COL8A2: variants seen among roughly 807,000 people sequenced by gnomAD.
COL8A2 encodes collagen alpha-2(VIII) chain.
In COL8A2, 16 loss-of-function variants were observed where a neutral mutation model predicts 24.0. The observed-to-expected ratio is 0.67, with a 90% CI of 0.45 to 1.01. The LOEUF (loss-of-function observed/expected upper bound fraction) is 1.01. Ranked by LOEUF, COL8A2 falls within the 50% of genes least tolerant of loss-of-function variation. The pLI is 0.00. For synonymous variants in COL8A2, 466 were observed against 424.5 expected (o/e 1.10, Z -1.20); for missense variants, 818 against 942.4 (o/e 0.87, Z 1.73).
intron 2 of COL8A2, among the ~76,000 whole-genome samples, chr1:36,100,709 GTTA>G (rs1290576897): frequency 6.6e-6 from 1 of 152,040 alleles, no homozygotes; most frequent in African/African-American, 2.4e-5. Flanking sequence ...ACTTTAACAA[GTTA>G]TTATTATTGT....
Position 36,099,169 on chromosome 1 carries a change from ATAGTAATG to A in COL8A2, c.504_511del (p.Ile169ProfsTer30). On this transcript the variant is annotated frameshift_variant, in exon 4 of 4. Transcript: ENST00000397799. LOFTEE classifies it low-confidence loss of function (END_TRUNC). Reference sequence around the variant, plus strand: ...CCCTTGGGCACCTGGTTTTCCAGGGATAGTAATGCCTGAGGGGCCCGGGAGGCCAGGGG... The same window carrying A: ...CCCTTGGGCACCTGGTTTTCCAGGGACCTGAGGGGCCCGGGAGGCCAGGGG... 1 of 1,498,476 alleles carries A rather than the reference ATAGTAATG, an allele frequency of 6.7e-7. No homozygotes were observed. The highest frequency in any genetic ancestry group is 8.9e-7 in the Non-Finnish European group (1 of 1,123,318). The allele number at this position is 1,498,476 out of a possible 1,614,324, so 92.8% of individuals were successfully genotyped here.
At chr1:36,100,321 G>A in intron 2 of COL8A2, 63 bp from the exon 3 acceptor site, 3 of 1,375,620 alleles carry the variant, frequency 2.2e-6, no homozygotes, top group Non-Finnish European at 2.0e-6. Flanking sequence ...TAGGCCCGGG[G>A]TCACCAAAAG....
chr1:36,121,388 CAAAAAAAAAAA>C (rs57902365), intron 1 of COL8A2, among the ~76,000 whole-genome samples: 4 of 47,636 alleles, frequency 8.4e-5, no homozygotes, highest in Admixed American at 2.5e-4. Context: ...GACTCTGTCT[CAAAAAAAAAAA>C]AAAAAAAAAA....
In COL8A2 at chr1:36,124,688, C is replaced by T. The variant is rs564849535; in HGVS notation, c.-62+369G>A. Among the ~76,000 whole-genome samples, 6 of 152,296 alleles carry T rather than the reference C, an allele frequency of 3.9e-5. No individual in the cohort carries two copies. In the East Asian group the frequency reaches 1.2e-3, roughly 29 times the overall value. ...TCACTCCCTCCTCTCTCCTCCACTACCCTGTGAAGGCGGCTTTTTTATCCC... is the reference window on the plus strand; with the variant it reads ...TCACTCCCTCCTCTCTCCTCCACTATCCTGTGAAGGCGGCTTTTTTATCCC... On this transcript the variant is annotated intron_variant, in intron 1 of 3. Coordinates refer to ENST00000397799, the MANE Select transcript of COL8A2 (RefSeq NM_005202.4).
intron 2 of COL8A2, among the ~76,000 whole-genome samples, chr1:36,105,965 AAAGAG>A (rs1335327529): frequency 1.3e-3 from 188 of 142,350 alleles, no homozygotes; most frequent in Middle Eastern, 7.0e-3. Flanking sequence ...AAAAAAAAAA[AAAGAG>A]AGAGAGAGAG....
chr1:36,109,945 T>G (rs1466264601), intron 2 of COL8A2, among the ~76,000 whole-genome samples: 2 of 147,972 alleles, frequency 1.4e-5, no homozygotes, highest in South Asian at 4.3e-4. Context: ...TTTTTTTTTT[T>G]TTGAGACGGA....
chr1:36,123,090 G>T lies in COL8A2; in HGVS notation c.-62+1967C>A, dbSNP rs1310771478. 6.6e-6 allele frequency among the ~76,000 whole-genome samples: 1 copy of T among 152,198 alleles called. No individual in the cohort carries two copies. The highest frequency in any genetic ancestry group is 1.5e-5 in the Non-Finnish European group (1 of 68,040). On this transcript the variant is annotated intron_variant, in intron 1 of 3. Transcript: ENST00000397799. This position sits in a 1 kb window ranked among gnomAD's most constrained non-coding sequence, Gnocchi z 4.1. ...CCTTCCCTGATCTGCACTTTGGCTT[G>T]CATGGTGCCCCTCCTCGGGTACCTA...
At position 36,097,999 on chromosome 1, in the gene COL8A2, T is replaced by A. The variant is rs1430060361; in HGVS notation, c.1682A>T (p.Lys561Met). The A allele has an allele frequency of 6.3e-7, 1 of 1,598,682 alleles. No individual in the cohort carries two copies. The highest frequency in any genetic ancestry group is 8.5e-7 in the Non-Finnish European group (1 of 1,176,574). The change falls in exon 4 of 4, where the codon AAG becomes ATG. Residue 561 changes from lysine (K) to methionine (M), a missense_variant. By Grantham distance (95) the Lys-to-Met change is moderately conservative (BLOSUM62 -1). Around this residue, in one of 3 missense-constraint regions of COL8A2, gnomAD observed 235 missense variants for 297.3 expected, o/e 0.79. Coordinates refer to ENST00000397799, the MANE Select transcript of COL8A2 (RefSeq NM_005202.4). ...CAGCTCGCCCAGCCCAAACTGTGGC[T>A]TGCCCCCCTTGCCCAGCACGGCACC... ...VEGAVLGKGG[K>M]PQFGLGELSA...
At chr1:36,119,869 T>A (rs375214366) in intron 1 of COL8A2, among the ~76,000 whole-genome samples, 1 of 152,162 alleles carries the variant, frequency 6.6e-6, no homozygotes, top group Non-Finnish European at 1.5e-5. Context: ...AGAGGCAGGC[T>A]GGCACTGCTG....
At chr1:36,102,651 A>C (rs1177383167) in intron 2 of COL8A2, among the ~76,000 whole-genome samples, 2 of 141,576 alleles carry the variant, frequency 1.4e-5, no homozygotes, top group Non-Finnish European at 3.0e-5. Context: ...TGTGAATTAT[A>C]TCTATAAAGC....
chr1:36,117,009 G>A (rs1643882742), intron 1 of COL8A2, among the ~76,000 whole-genome samples: 2 of 152,214 alleles, frequency 1.3e-5, no homozygotes, highest in African/African-American at 4.8e-5. Flanking sequence ...ACATGACTCC[G>A]GGGTAGATGG....
In COL8A2 at chr1:36,115,446, G is replaced by A. The variant is rs1643874852; in HGVS notation, c.-17+262C>T. The stretch of plus-strand genomic sequence containing the variant: ...AGCACAGCCAGGCCACTGCACCCAG[G>A]CTGGGCCAAGCAAACACGGCCCCGC... On this transcript the variant is annotated intron_variant, in intron 2 of 3. Transcript: ENST00000397799. This position sits in a 1 kb window ranked among gnomAD's most constrained non-coding sequence, Gnocchi z 5.7. 1.3e-5 allele frequency among the ~76,000 whole-genome samples: 2 copies of A among 152,148 alleles called. No individual in the cohort carries two copies. Among genetic ancestry groups the A allele is most frequent in the Admixed American group, 1.3e-4 (2 of 15,280 alleles).
rs1557746988 is a variant in COL8A2 at position 36,115,776 on chromosome 1, T to G, written c.-61-24A>C. On this transcript the variant is annotated intron_variant, in intron 1 of 3. Coordinates refer to ENST00000397799, the MANE Select transcript of COL8A2 (RefSeq NM_005202.4). This position sits in a 1 kb window ranked among gnomAD's most constrained non-coding sequence, Gnocchi z 5.7. The stretch of plus-strand genomic sequence containing the variant: ...GCCTGAGGATGAACAAGAGAAACAG[T>G]GAGGCTATGGGGCAGTGGCTCAAGC... The G allele has an allele frequency of 1.0e-6, 1 of 984,772 alleles. No individual in the cohort carries two copies. The highest frequency in any genetic ancestry group is 1.1e-4 in the East Asian group (1 of 8,792). The allele number at this position is 984,772 out of a possible 1,614,324, so 61.0% of individuals were successfully genotyped here.
intron 1 of COL8A2, among the ~76,000 whole-genome samples, chr1:36,116,769 G>T (rs1047299066): frequency 3.9e-5 from 6 of 152,330 alleles, no homozygotes; most frequent in Admixed American, 3.9e-4. Flanking sequence ...TGTGGGATGG[G>T]GAGGCTGGGG....
chr1:36,113,851 T>C (rs74939382), intron 2 of COL8A2, among the ~76,000 whole-genome samples: 2,609 of 152,146 alleles, frequency 0.017, 79 homozygotes, highest in African/African-American at 0.059. Flanking sequence ...GAAGGAGGCT[T>C]GAAGGAGAGA....
At position 36,123,901 on chromosome 1, in the gene COL8A2, T is replaced by C. The variant is rs1643932664; in HGVS notation, c.-62+1156A>G. Among the ~76,000 whole-genome samples, 1 of 152,058 alleles carries C rather than the reference T, an allele frequency of 6.6e-6. No individual in the cohort carries two copies. The highest frequency in any genetic ancestry group is 2.1e-4 in the South Asian group (1 of 4,820). On this transcript the variant is annotated intron_variant, in intron 1 of 3. Coordinates refer to ENST00000397799, the MANE Select transcript of COL8A2 (RefSeq NM_005202.4). This position sits in a 1 kb window ranked among gnomAD's most constrained non-coding sequence, Gnocchi z 4.1. ...CCCTGATGGAGACCACCAACCATGG[T>C]GTCTCTCCAGAGATCACCAACTCCT...
intron 2 of COL8A2, among the ~76,000 whole-genome samples, chr1:36,103,893 TA>T (rs1264401475): frequency 6.6e-6 from 1 of 151,858 alleles, no homozygotes; most frequent in Non-Finnish European, 1.5e-5. Flanking sequence ...CCCCACCTGT[TA>T]TTTTTTTAAA....
chr1:36,099,179 C>T lies in COL8A2; in HGVS notation c.502G>A (p.Gly168Ser). 1 of 1,508,154 alleles carries T rather than the reference C, an allele frequency of 6.6e-7. No individual in the cohort carries two copies. The highest frequency in any genetic ancestry group is 8.9e-7 in the Non-Finnish European group (1 of 1,127,330). 93.4% of individuals were successfully genotyped at this position (1,508,154 alleles called of 1,614,324 possible). ...PGPPGLPGPSGITIPGKPGAQ... is the reference protein window; with the variant it reads ...PGPPGLPGPSSITIPGKPGAQ... ...CCTGGTTTTCCAGGGATAGTAATGC[C>T]TGAGGGGCCCGGGAGGCCAGGGGGT... The change falls in exon 4 of 4, where the codon GGC (glycine) becomes AGC (serine). Residue 168 changes from glycine to serine, a missense_variant. Gly to Ser is a moderately conservative substitution (Grantham distance 56). This residue lies in a region of COL8A2 where 573 missense variants were observed against 616.8 expected (regional missense o/e 0.93). Transcript: ENST00000397799.
intron 1 of COL8A2, among the ~76,000 whole-genome samples, chr1:36,124,830 G>A (rs1055976572): frequency 6.6e-6 from 1 of 152,122 alleles, no homozygotes; most frequent in Non-Finnish European, 1.5e-5. Context: ...GAGGAAGGGA[G>A]GAGGGGGCTT....
Sources: gnomAD v4.1 joint callset for allele counts (sites outside exome capture counted in the v4.1 genomes callset) on GRCh38, gnomAD v4.1.1 for gene constraint, gnomAD v4.1.1 regional missense constraint, Gnocchi (gnomAD v3.1) non-coding constraint, MANE v1.5 for transcripts, NCBI Gene and HGNC (gene_info 2026-07-23, HGNC 2026-07-21) for gene names.